SGCZ: variants seen among roughly 807,000 people sequenced by gnomAD.
SGCZ encodes zeta-sarcoglycan.
Under a neutral mutation model 41.3 loss-of-function variants are expected in SGCZ, and 40 were observed. The observed-to-expected ratio is 0.97, with a 90% CI of 0.75 to 1.26. SGCZ has a LOEUF of 1.26. SGCZ is among the 50% of genes most tolerant of loss of function. SGCZ has a pLI of 0.00. For synonymous variants in SGCZ, 206 were observed against 137.5 expected, an observed-to-expected ratio of 1.50 and a Z score of -3.49; for missense variants, 552 against 369.8, an observed-to-expected ratio of 1.49 and a Z score of -4.04.
chr8:14,403,126 T>G (rs1446561800), intron 2 of SGCZ, among the ~76,000 whole-genome samples: 3 of 150,154 alleles, frequency 2.0e-5, no homozygotes, highest in Non-Finnish European at 4.4e-5. Context: ...TTGTGATTTT[T>G]GTACATTGAT....
intron 1 of SGCZ, among the ~76,000 whole-genome samples, chr8:14,807,023 A>AG (rs1801558155): frequency 6.6e-6 from 1 of 152,182 alleles, no homozygotes; most frequent in Non-Finnish European, 1.5e-5. Context: ...CTTTGACAAA[A>AG]TTCAACAACG....
intron 3 of SGCZ, among the ~76,000 whole-genome samples, chr8:14,299,440 T>C (rs973168959): frequency 6.6e-6 from 1 of 151,896 alleles, no homozygotes. Flanking sequence ...CAAGAATATA[T>C]AAACAATTCC....
chr8:14,691,195 T>C (rs1808787736), intron 1 of SGCZ, among the ~76,000 whole-genome samples: 5 of 152,168 alleles, frequency 3.3e-5, no homozygotes, highest in Admixed American at 3.3e-4. Context: ...GAATCAACAA[T>C]ACTTCGATAA....
At chr8:14,251,292 T>C (rs991207542) in intron 3 of SGCZ, among the ~76,000 whole-genome samples, 1 of 152,124 alleles carries the variant, frequency 6.6e-6, no homozygotes, top group African/African-American at 2.4e-5. Context: ...ATATCTAACA[T>C]CATGTTTTTC....
intron 1 of SGCZ, among the ~76,000 whole-genome samples, chr8:14,653,346 A>T (rs1380206175): frequency 6.6e-6 from 1 of 152,144 alleles, no homozygotes; most frequent in Non-Finnish European, 1.5e-5. Flanking sequence ...TCTAGTTACT[A>T]AATGAATGAA....
chr8:15,146,418 T>A (rs1799039063), intron 1 of SGCZ, among the ~76,000 whole-genome samples: 1 of 152,150 alleles, frequency 6.6e-6, no homozygotes, highest in Non-Finnish European at 1.5e-5. Context: ...CAAGTTGGAG[T>A]GCAGTGGCTA....
At chr8:14,851,384 A>G (rs968010494) in intron 1 of SGCZ, among the ~76,000 whole-genome samples, 12 of 142,726 alleles carry the variant, frequency 8.4e-5, no homozygotes, top group Non-Finnish European at 1.7e-4. Context: ...AAAAAAAAAA[A>G]AAAAAAGAAA....
At chr8:14,723,902 T>A (rs1376499154) in intron 1 of SGCZ, among the ~76,000 whole-genome samples, 1 of 152,084 alleles carries the variant, frequency 6.6e-6, no homozygotes, top group Non-Finnish European at 1.5e-5. Context: ...TCCACCTTCA[T>A]TGCCTTTATA....
At chr8:14,610,995 C>G (rs1805910356) in intron 1 of SGCZ, among the ~76,000 whole-genome samples, 1 of 152,096 alleles carries the variant, frequency 6.6e-6, no homozygotes, top group Admixed American at 6.5e-5. Context: ...GGCTCAGCTA[C>G]TTGACTTAAA....
At chr8:14,301,106 T>C (rs1286259855) in intron 3 of SGCZ, among the ~76,000 whole-genome samples, 2 of 150,002 alleles carry the variant, frequency 1.3e-5, no homozygotes, top group African/African-American at 4.9e-5. Flanking sequence ...CAATTATCCC[T>C]ATCCTCTCAT....
rs2116942001 is a variant in SGCZ, at chr8:14,087,647, CAT to C, written c.*2794_*2795del. Among the ~76,000 whole-genome samples, 2 of 150,960 alleles carry C rather than the reference CAT, an allele frequency of 1.3e-5. No individual in the cohort carries two copies. Among genetic ancestry groups the C allele is most frequent in the South Asian group, 4.2e-4 (2 of 4,814 alleles). On this transcript the variant is annotated 3_prime_UTR_variant, in exon 8 of 8. Transcript: ENST00000382080. ...TGCATTTTATTTATACATATTGTAA[CAT>C]AAAGATGGTACTGGGAAAACATAAT...
intron 5 of SGCZ, among the ~76,000 whole-genome samples, chr8:14,143,266 G>C (rs1803426758): frequency 6.6e-6 from 1 of 152,156 alleles, no homozygotes; most frequent in African/African-American, 2.4e-5. Context: ...CAGGGCAATG[G>C]TGTCCAATCA....
At chr8:14,293,237 G>T (rs561893182) in intron 3 of SGCZ, among the ~76,000 whole-genome samples, 1 of 152,110 alleles carries the variant, frequency 6.6e-6, no homozygotes, top group Admixed American at 6.6e-5. Context: ...AATCCCAGTG[G>T]ACAATGGATG....
At chr8:15,172,160 T>TTTTTATTTATTTATTTTATTTTATTTTA (rs754523188) in intron 1 of SGCZ, among the ~76,000 whole-genome samples, 1 of 104,994 alleles carries the variant, frequency 9.5e-6, no homozygotes, top group African/African-American at 3.4e-5. Flanking sequence ...CTCTGTTTTT[T>TTTTTATTTATTTATTTTATTTTATTTTA]TTTTTTTTTT....
chr8:15,079,087 C>G (rs1044585164), intron 1 of SGCZ, among the ~76,000 whole-genome samples: 3 of 152,150 alleles, frequency 2.0e-5, no homozygotes, highest in African/African-American at 7.2e-5. Flanking sequence ...CCTCCCAAAT[C>G]TAGCCTCTAA....
At chr8:14,942,258 A>G (rs1272297098) in intron 1 of SGCZ, among the ~76,000 whole-genome samples, 1 of 152,136 alleles carries the variant, frequency 6.6e-6, no homozygotes, top group East Asian at 1.9e-4. Context: ...TAAAATCTGA[A>G]TAACACACTC....
chr8:14,846,074 A>G (rs1803090293), intron 1 of SGCZ, among the ~76,000 whole-genome samples: 1 of 152,318 alleles, frequency 6.6e-6, no homozygotes, highest in South Asian at 2.1e-4. Flanking sequence ...ACAAATATAT[A>G]ATTATAGCAA....
intron 1 of SGCZ, among the ~76,000 whole-genome samples, chr8:14,911,201 T>G (rs1316362316): frequency 6.6e-6 from 1 of 152,022 alleles, no homozygotes; most frequent in African/African-American, 2.4e-5. Flanking sequence ...TAATTCAAAT[T>G]GTCAAAGTAA....
intron 3 of SGCZ, among the ~76,000 whole-genome samples, chr8:14,244,417 C>G (rs1045049031): frequency 6.6e-6 from 1 of 152,116 alleles, no homozygotes; most frequent in Admixed American, 6.6e-5. Flanking sequence ...ATACTTGACC[C>G]ACTGAAGCTG....
Sources: allele counts gnomAD v4.1 joint callset (sites outside exome capture counted in the v4.1 genomes callset), GRCh38; gene constraint gnomAD v4.1.1; transcripts MANE v1.5; gene names NCBI Gene and HGNC (gene_info 2026-07-23, HGNC 2026-07-21).